Variants in GREM2 observed in about 807,000 individuals in gnomAD.
GREM2 encodes the protein gremlin-2.
In GREM2, 11 loss-of-function variants were observed where a neutral mutation model predicts 14.2. That is an observed-to-expected ratio of 0.78 (90% CI 0.49 to 1.28). GREM2 has a LOEUF of 1.28. Among genes scored for constraint, GREM2 ranks in the 50% most tolerant of loss-of-function variants. The pLI is 0.00. For synonymous variants in GREM2, 98 were observed against 97.6 expected, an observed-to-expected ratio of 1.00 and a Z score of -0.02; for missense variants, 210 against 218.5, an observed-to-expected ratio of 0.96 and a Z score of 0.24.
At chr1:240,521,570 C>CA (rs552539476) in intron 1 of GREM2, among the ~76,000 whole-genome samples, 108 of 146,614 alleles carry the variant, frequency 7.4e-4, no homozygotes, top group South Asian at 5.0e-3. Flanking sequence ...GACTCCGTCT[C>CA]AAAAAAAAAC....
rs1221536636 is a variant in GREM2 at position 240,542,036 on chromosome 1, G to A, written c.-1-48560C>T. Among the ~76,000 whole-genome samples the A allele has an allele frequency of 6.6e-6, 1 of 152,038 alleles. No individual in the cohort carries two copies. The highest frequency in any genetic ancestry group is 1.9e-4 in the East Asian group (1 of 5,152). On this transcript the variant is annotated intron_variant, in intron 1 of 1. Coordinates refer to ENST00000318160, the MANE Select transcript of GREM2 (RefSeq NM_022469.4). This position sits in a 1 kb window ranked among gnomAD's most constrained non-coding sequence, Gnocchi z 4.1. ...AACTGGTTGTGATTTTGCCCCTCAG[G>A]GGACATTTGTCAATGTGTGGAGGCA...
At chr1:240,582,166 G>A (rs1235802126) in intron 1 of GREM2, among the ~76,000 whole-genome samples, 6 of 152,214 alleles carry the variant, frequency 3.9e-5, no homozygotes, top group Non-Finnish European at 7.3e-5. Flanking sequence ...GGCCGGGCTC[G>A]ATGGCTCATG....
chr1:240,535,791 T>A (rs1398314942), intron 1 of GREM2, among the ~76,000 whole-genome samples: 2 of 88,486 alleles, frequency 2.3e-5, no homozygotes, highest in Non-Finnish European at 2.1e-5. Flanking sequence ...AAAGGGAGAC[T>A]CCATCGCAAA....
In GREM2 at chr1:240,491,387, A is replaced by G. The variant is rs554361548; in HGVS notation, c.*1582T>C. 6.5e-6 allele frequency: 1 copy of G among 152,766 alleles called. No individual in the cohort carries two copies. Among genetic ancestry groups the G allele is most frequent in the East Asian group, 1.9e-4 (1 of 5,182 alleles). The allele number at this position is 152,766 out of a possible 1,614,324, so 9.5% of individuals were successfully genotyped here. A position where few individuals can be genotyped will look rare whatever the true frequency, so the allele number is the denominator to read the frequency against. On this transcript the variant is annotated 3_prime_UTR_variant, in exon 2 of 2. Coordinates refer to ENST00000318160, the MANE Select transcript of GREM2 (RefSeq NM_022469.4). ...GATTCCCACCAATGGCAGCTCATTC[A>G]CATTTGTCAGATTCCATAAGCATTA...
chr1:240,513,168 A>G (rs996962443), intron 1 of GREM2, among the ~76,000 whole-genome samples: 2 of 152,194 alleles, frequency 1.3e-5, no homozygotes, highest in African/African-American at 4.8e-5. Context: ...GGGCTTCCCT[A>G]TGGCATGCAA....
At chr1:240,594,663 A>C (rs2102866504) in intron 1 of GREM2, among the ~76,000 whole-genome samples, 1 of 152,138 alleles carries the variant, frequency 6.6e-6, no homozygotes. Flanking sequence ...ACTACAGTGA[A>C]ATTCAAAGCA....
chr1:240,529,146 A>C (rs1678293442), intron 1 of GREM2, among the ~76,000 whole-genome samples: 1 of 151,772 alleles, frequency 6.6e-6, no homozygotes, highest in Non-Finnish European at 1.5e-5. Context: ...CTGGGAAGAC[A>C]CATGGATGAG....
At chr1:240,594,274 G>T (rs536905390) in intron 1 of GREM2, among the ~76,000 whole-genome samples, 2 of 152,136 alleles carry the variant, frequency 1.3e-5, no homozygotes, top group African/African-American at 2.4e-5. Flanking sequence ...CTGGTTTTGA[G>T]AGTTTTCATC....
At chr1:240,524,222 C>T (rs1678173144) in intron 1 of GREM2, among the ~76,000 whole-genome samples, 1 of 152,170 alleles carries the variant, frequency 6.6e-6, no homozygotes, top group Non-Finnish European at 1.5e-5. Flanking sequence ...AAAATGTTGC[C>T]AGGTTGGTAT....
Position 240,493,029 on chromosome 1 carries a change from G to C in GREM2, c.447C>G (p.Ile149Met), listed in dbSNP as rs964168957. Reference protein sequence around the residue: ...GLDPPFRLKKIQKVKQCRCMS... With the variant: ...GLDPPFRLKKMQKVKQCRCMS... ...TGCACCGGCACTGCTTCACCTTCTG[G>C]ATTTTCTTGAGTCGGAAGGGTGGGT... The change falls in exon 2 of 2, where the codon ATC becomes ATG. Residue 149 changes from isoleucine to methionine, a missense_variant. Transcript: ENST00000318160. 1 of 1,599,054 alleles carries C rather than the reference G, an allele frequency of 6.3e-7. No homozygotes were observed. Among genetic ancestry groups the C allele is most frequent in the African/African-American group, 1.3e-5 (1 of 74,644 alleles).
chr1:240,527,271 A>C (rs2103310192), intron 1 of GREM2, among the ~76,000 whole-genome samples: 1 of 152,324 alleles, frequency 6.6e-6, no homozygotes, highest in South Asian at 2.1e-4. Context: ...ACAGTTGTTG[A>C]TCATCATGTA....
chr1:240,546,037 A>T lies in GREM2; in HGVS notation c.-1-52561T>A, dbSNP rs142710992. ...TCCACAGACTCTTCCAATTTCTCTAAGCAGAATTTGTTGCTGGCCAGGCAC... is the reference window on the plus strand; with the variant it reads ...TCCACAGACTCTTCCAATTTCTCTATGCAGAATTTGTTGCTGGCCAGGCAC... On this transcript the variant is annotated intron_variant, in intron 1 of 1. Transcript: ENST00000318160. Among the ~76,000 whole-genome samples, 779 of 152,298 alleles carry T rather than the reference A, an allele frequency of 5.1e-3. 4 individuals carry two copies. Among genetic ancestry groups the T allele is most frequent in the Non-Finnish European group, 7.5e-3 (509 of 68,020 alleles).
At chr1:240,517,200 A>G (rs1677975001) in intron 1 of GREM2, among the ~76,000 whole-genome samples, 1 of 152,242 alleles carries the variant, frequency 6.6e-6, no homozygotes, top group Non-Finnish European at 1.5e-5. Context: ...ATTCAAACTT[A>G]TGATTTTAAA....
chr1:240,598,466 T>C (rs1435312857), intron 1 of GREM2, among the ~76,000 whole-genome samples: 1 of 152,232 alleles, frequency 6.6e-6, no homozygotes, highest in Non-Finnish European at 1.5e-5. Context: ...ATCACCCTTA[T>C]GAAGACCAAA....
intron 1 of GREM2, among the ~76,000 whole-genome samples, chr1:240,604,309 A>G (rs72752882): frequency 2.1e-4 from 24 of 116,700 alleles, no homozygotes; most frequent in South Asian, 1.3e-3. Flanking sequence ...AACTATACGT[A>G]TGTGTGTGTG....
rs1380935112 is a variant in GREM2 at position 240,490,722 on chromosome 1, T to G, written c.*2247A>C. 6.6e-6 allele frequency: 1 copy of G among 152,076 alleles called. No individual in the cohort carries two copies. Among genetic ancestry groups the G allele is most frequent in the Non-Finnish European group, 1.5e-5 (1 of 68,010 alleles). The allele number at this position is 152,076 out of a possible 1,614,324, so 9.4% of individuals were successfully genotyped here. On this transcript the variant is annotated 3_prime_UTR_variant, in exon 2 of 2. Transcript: ENST00000318160. ...CACCCACAATTGGGTTCGAAGAGAG[T>G]GTGCTCGTGTTTGCATTCTGTAAGT...
intron 1 of GREM2, among the ~76,000 whole-genome samples, chr1:240,538,238 C>G (rs566412693): frequency 6.6e-5 from 10 of 152,196 alleles, no homozygotes; most frequent in Non-Finnish European, 1.0e-4. Context: ...TGACTGGTGG[C>G]TTTGTCTTGA....
At chr1:240,527,856 C>T (rs910322130) in intron 1 of GREM2, among the ~76,000 whole-genome samples, 7 of 152,078 alleles carry the variant, frequency 4.6e-5, no homozygotes, top group African/African-American at 9.7e-5. Context: ...TATTCCACCA[C>T]GCAGTATGTA....
chr1:240,607,617 G>A (rs761159256), intron 1 of GREM2, among the ~76,000 whole-genome samples: 5 of 152,202 alleles, frequency 3.3e-5, no homozygotes, highest in African/African-American at 9.6e-5. Context: ...CACTGAGCAC[G>A]CTCTTAGCAG....
Sources: allele counts gnomAD v4.1 joint callset (sites outside exome capture counted in the v4.1 genomes callset), GRCh38; gene constraint gnomAD v4.1.1; non-coding constraint Gnocchi (gnomAD v3.1); transcripts MANE v1.5; gene names NCBI Gene and HGNC (gene_info 2026-07-23, HGNC 2026-07-21).